ABL1: variants seen among roughly 807,000 people sequenced by gnomAD.
ABL1 encodes ABL proto-oncogene 1, non-receptor tyrosine kinase.
ABL1 carries 11 observed loss-of-function variants against 94.7 expected under a neutral mutation model. That is an observed-to-expected ratio of 0.12 (90% CI 0.07 to 0.19). The LOEUF is 0.19. ABL1 is among the 10% of genes least tolerant of loss of function. The pLI, the probability that ABL1 is intolerant of heterozygous loss-of-function variation, is 1.00. For synonymous variants in ABL1, 656 were observed against 622.4 expected (o/e 1.05, Z -0.80); for missense variants, 1,082 against 1,489.4 (o/e 0.73, Z 4.50).
chr9:130,884,945 A>G lies in ABL1; in HGVS notation c.2655A>G (p.Pro885=), dbSNP rs1831543575. 1.9e-6 allele frequency: 3 copies of G among 1,611,604 alleles called. No individual in the cohort carries two copies. The African/African-American group carries it at 4.0e-5, about 21-fold the overall frequency. The change falls in exon 11 of 11, where the codon CCA becomes CCG. Residue 885 remains proline, a synonymous_variant. Transcript: ENST00000318560. The surrounding 1 kb of genome is among the most constrained non-coding windows in gnomAD (Gnocchi z 5.6). Reference sequence around the variant, plus strand: ...GGCACAAGCACTCCTCTGAGTCGCCAGGGAGGGACAAGGGGAAATTGTCCA... The same window carrying G: ...GGCACAAGCACTCCTCTGAGTCGCCGGGGAGGGACAAGGGGAAATTGTCCA... ...VRRHKHSSES[P]GRDKGKLSRL...
intron 1 of ABL1, among the ~76,000 whole-genome samples, chr9:130,756,045 T>C (rs1024263089): frequency 1.3e-5 from 2 of 152,214 alleles, no homozygotes; most frequent in Admixed American, 1.3e-4. Flanking sequence ...TGGCCCCTTA[T>C]GTAAGCCACT....
intron 1 of ABL1, among the ~76,000 whole-genome samples, chr9:130,720,711 A>AC (rs1831503617): frequency 6.6e-6 from 1 of 152,170 alleles, no homozygotes; most frequent in Non-Finnish European, 1.5e-5. Flanking sequence ...CTGAAGGAGG[A>AC]CAAGGGAGCA....
intron 1 of ABL1, among the ~76,000 whole-genome samples, chr9:130,843,460 G>C (rs1164597482): frequency 6.6e-6 from 1 of 152,194 alleles, no homozygotes; most frequent in Non-Finnish European, 1.5e-5. Context: ...GAGAAACTGA[G>C]GCTCAGAAAC....
Position 130,812,200 on chromosome 9 carries a change from CAAAAAAA to C in ABL1, c.137-41847_137-41841del, listed in dbSNP as rs35352789. ...GAAGCCAAGTGAGACTCCATCTCTA[CAAAAAAA>C]AAAAAAAAAAAAAAAATTAGCCAGG... On this transcript the variant is annotated intron_variant, in intron 1 of 10. Transcript: ENST00000372348. Among the ~76,000 whole-genome samples, 90 of 48,762 alleles carry C rather than the reference CAAAAAAA, an allele frequency of 1.8e-3. 1 individual carries two copies. Among genetic ancestry groups the C allele is most frequent in the East Asian group, 4.8e-3 (6 of 1,242 alleles). The allele number at this position is 48,762 out of a possible 152,430, so 32.0% of individuals were successfully genotyped here.
intron 1 of ABL1, among the ~76,000 whole-genome samples, chr9:130,801,086 C>T (rs1217676888): frequency 8.5e-5 from 13 of 152,148 alleles, no homozygotes; most frequent in Non-Finnish European, 1.5e-4. Flanking sequence ...CCCGCCACCA[C>T]ACCCAGCTAA....
intron 1 of ABL1, among the ~76,000 whole-genome samples, chr9:130,802,848 T>C (rs1830074546): frequency 6.6e-6 from 1 of 152,180 alleles, no homozygotes; most frequent in South Asian, 2.1e-4. Context: ...TGTTTGGTTT[T>C]ATCAGGTGGT....
rs1227360985 is a variant in ABL1, at chr9:130,855,140, G to A, written c.549+44G>A. 5.8e-6 allele frequency: 9 copies of A among 1,553,032 alleles called. No individual in the cohort carries two copies. The African/African-American group carries it at 6.9e-5, about 12-fold the overall frequency. ...GGGGCGCTGATGGGCCCAGGGCAGG[G>A]GAACCAGAGGTCCTGCTGTCGGATT... is the stretch of plus-strand genomic sequence containing the variant. On this transcript the variant is annotated intron_variant, in intron 3 of 10. Transcript: ENST00000318560.
chr9:130,861,816 C>T (rs1206152147), intron 3 of ABL1, among the ~76,000 whole-genome samples: 2 of 152,182 alleles, frequency 1.3e-5, no homozygotes, highest in Non-Finnish European at 2.9e-5. Context: ...GTGGATTTTT[C>T]ATGTGGAATT....
At position 130,874,892 on chromosome 9, in the gene ABL1, G is replaced by A. The variant is rs2133002989; in HGVS notation, c.1110G>A (p.Leu370=). 1 of 1,614,184 alleles carries A rather than the reference G, an allele frequency of 6.2e-7. No individual in the cohort carries two copies. Among genetic ancestry groups the A allele is most frequent in the Non-Finnish European group, 8.5e-7 (1 of 1,180,030 alleles). Residue 370 remains leucine (L), a synonymous_variant, in exon 7 of 11, where the codon CTG becomes CTA. Coordinates refer to ENST00000318560, the MANE Select transcript of ABL1 (RefSeq NM_005157.6). ...IHRDLAARNC[L]VGENHLVKVA... is the part of the protein sequence containing the mutation. ...GAGATCTTGCTGCCCGAAACTGCCT[G>A]GTAGGGGAGAACCACTTGGTGAAGG...
intron 8 of ABL1, among the ~76,000 whole-genome samples, chr9:130,879,730 G>A (rs1005022826): frequency 3.9e-5 from 6 of 152,156 alleles, no homozygotes; most frequent in South Asian, 2.1e-4. Context: ...TTTGATAACC[G>A]TGAAGAAAGA....
chr9:130,739,588 G>A (rs2789769), intron 1 of ABL1, among the ~76,000 whole-genome samples: 31,299 of 152,060 alleles, frequency 0.21, 3,670 homozygotes, highest in Middle Eastern at 0.39. Context: ...TCAAATGAAA[G>A]TTATCCTAAT....
chr9:130,816,149 C>T (rs1830283705), intron 1 of ABL1, among the ~76,000 whole-genome samples: 2 of 152,156 alleles, frequency 1.3e-5, no homozygotes, highest in South Asian at 2.1e-4. Flanking sequence ...GACTCTGTTC[C>T]TTCCACATTG....
At chr9:130,728,658 G>A (rs940679814) in intron 1 of ABL1, among the ~76,000 whole-genome samples, 7 of 151,294 alleles carry the variant, frequency 4.6e-5, no homozygotes, top group Admixed American at 4.0e-4. Flanking sequence ...CCAAAGTGCT[G>A]GGATTACAGG....
chr9:130,876,587 T>G (rs1194130349), intron 7 of ABL1, among the ~76,000 whole-genome samples: 2 of 151,214 alleles, frequency 1.3e-5, no homozygotes, highest in East Asian at 2.0e-4. Flanking sequence ...CTGGCTAAAT[T>G]TTTTTGTATT....
upstream of ABL1, among the ~76,000 whole-genome samples, chr9:130,833,613 G>C (rs1430504377): frequency 6.6e-6 from 1 of 152,194 alleles, no homozygotes; most frequent in Non-Finnish European, 1.5e-5. Context: ...CATGAGGCCT[G>C]ATCTGGTACC....
chr9:130,819,532 CTTTTTTTTTT>C (rs34341889), intron 1 of ABL1, among the ~76,000 whole-genome samples: 1 of 96,284 alleles, frequency 1.0e-5, no homozygotes, highest in African/African-American at 4.8e-5. Flanking sequence ...AGAAAAATAC[CTTTTTTTTTT>C]TTTTTTTTTT....
intron 1 of ABL1, among the ~76,000 whole-genome samples, chr9:130,841,960 A>G (rs1440200777): frequency 1.4e-5 from 2 of 141,248 alleles, no homozygotes; most frequent in African/African-American, 2.8e-5. Context: ...GGGAGGGAGG[A>G]AGGGGAGACA....
chr9:130,743,102 C>T (rs554757178), intron 1 of ABL1, among the ~76,000 whole-genome samples: 8 of 152,132 alleles, frequency 5.3e-5, no homozygotes, highest in South Asian at 2.1e-4. Context: ...GACAGAGTTT[C>T]GCTCTTGTTG....
intron 1 of ABL1, among the ~76,000 whole-genome samples, chr9:130,776,038 G>A (rs1182767826): frequency 2.0e-5 from 3 of 152,146 alleles, no homozygotes; most frequent in African/African-American, 7.2e-5. Flanking sequence ...GATGTCTCCA[G>A]CACGGTCTCA....
Sources: gnomAD v4.1 joint callset for allele counts (sites outside exome capture counted in the v4.1 genomes callset) on GRCh38, gnomAD v4.1.1 for gene constraint, Gnocchi (gnomAD v3.1) non-coding constraint, MANE v1.5 for transcripts, NCBI Gene and HGNC (gene_info 2026-07-23, HGNC 2026-07-21) for gene names.